Variants in GTF2F2 observed in about 807,000 individuals in gnomAD.
The protein encoded by GTF2F2 is ATP-dependent helicase GTF2F2.
A neutral mutation model predicts 42.2 loss-of-function variants in GTF2F2; 23 were observed. The observed-to-expected ratio is 0.55, with a 90% CI of 0.39 to 0.77. GTF2F2 has a LOEUF of 0.77. GTF2F2 is among the 30% of genes least tolerant of loss of function. GTF2F2 has a pLI of 0.00. For missense variants in GTF2F2, 261 were observed against 287.2 expected (o/e 0.91, Z 0.66); for synonymous variants, 105 against 100.8 (o/e 1.04, Z -0.25).
Position 45,195,244 on chromosome 13 carries a change from AT to A in GTF2F2, c.305-12172del, listed in dbSNP as rs1266864891. Among the ~76,000 whole-genome samples the A allele has an allele frequency of 3.9e-5, 6 of 151,906 alleles. No homozygotes were observed. In the East Asian group the frequency reaches 7.7e-4, roughly 19 times the overall value. On this transcript the variant is annotated intron_variant, in intron 4 of 7. Coordinates refer to ENST00000340473, the MANE Select transcript of GTF2F2 (RefSeq NM_004128.3). ...AGATCTATGTTAAAGGATGTTAAGA[AT>A]TTTTTTTATTTTTTATTTTTTATTA...
chr13:45,160,768 T>TG (rs530539650), intron 4 of GTF2F2, among the ~76,000 whole-genome samples: 1 of 88,168 alleles, frequency 1.1e-5, no homozygotes, highest in African/African-American at 5.0e-5. Context: ...TGTCAGCTGT[T>TG]TTTTTTTTTT....
intron 6 of GTF2F2, among the ~76,000 whole-genome samples, chr13:45,262,745 T>G (rs539603410): frequency 1.1e-3 from 164 of 152,164 alleles, no homozygotes; most frequent in African/African-American, 3.7e-3. Flanking sequence ...ATTTATTTAT[T>G]TATTTATTGT....
At chr13:45,161,951 G>C (rs979092977) in intron 4 of GTF2F2, among the ~76,000 whole-genome samples, 2 of 152,192 alleles carry the variant, frequency 1.3e-5, no homozygotes, top group African/African-American at 4.8e-5. Flanking sequence ...TTCCACTTCT[G>C]TTGGTGGATA....
chr13:45,238,932 G>A (rs534531628), intron 5 of GTF2F2, among the ~76,000 whole-genome samples: 3 of 108,330 alleles, frequency 2.8e-5, no homozygotes, highest in South Asian at 2.6e-4. Flanking sequence ...CAATAAGAGC[G>A]AAATTCCATC....
intron 5 of GTF2F2, among the ~76,000 whole-genome samples, chr13:45,242,203 C>G (rs112895522): frequency 1.3e-5 from 2 of 151,190 alleles, no homozygotes; most frequent in African/African-American, 2.4e-5. Flanking sequence ...CTTCACCTGG[C>G]CTTTCTCCTG....
intron 5 of GTF2F2, among the ~76,000 whole-genome samples, chr13:45,243,550 T>C (rs1046829796): frequency 2.6e-5 from 4 of 152,390 alleles, no homozygotes; most frequent in African/African-American, 7.2e-5. Flanking sequence ...GGGACCGATA[T>C]GTTAAATCAT....
chr13:45,246,804 A>C (rs995813053), intron 5 of GTF2F2, among the ~76,000 whole-genome samples: 1 of 152,040 alleles, frequency 6.6e-6, no homozygotes, highest in South Asian at 2.1e-4. Context: ...TTGGGAGGCC[A>C]ATGCGGGCGG....
chr13:45,201,105 C>T (rs551286676), intron 4 of GTF2F2, among the ~76,000 whole-genome samples: 2 of 152,194 alleles, frequency 1.3e-5, no homozygotes, highest in Non-Finnish European at 2.9e-5. Flanking sequence ...ACTTACATGC[C>T]AATGCTAATA....
intron 4 of GTF2F2, among the ~76,000 whole-genome samples, chr13:45,177,122 G>T (rs1296398797): frequency 6.6e-6 from 1 of 151,844 alleles, no homozygotes; most frequent in African/African-American, 2.4e-5. Flanking sequence ...GTGAGATAGG[G>T]GTCAAATTGT....
At chr13:45,262,431 C>A (rs1183608535) in intron 6 of GTF2F2, among the ~76,000 whole-genome samples, 1 of 152,102 alleles carries the variant, frequency 6.6e-6, no homozygotes, top group Non-Finnish European at 1.5e-5. Flanking sequence ...TTAGTTAAAT[C>A]TTTAATTTAT....
chr13:45,264,247 A>AT (rs35779192), intron 6 of GTF2F2, among the ~76,000 whole-genome samples: 6 of 148,562 alleles, frequency 4.0e-5, no homozygotes, highest in Admixed American at 2.0e-4. Flanking sequence ...GTAAACCAAG[A>AT]TTTTTTTTTT....
intron 4 of GTF2F2, among the ~76,000 whole-genome samples, chr13:45,188,018 G>A (rs959299700): frequency 2.0e-5 from 3 of 152,146 alleles, no homozygotes; most frequent in African/African-American, 7.2e-5. Flanking sequence ...CGATTCTCAT[G>A]CCGCAGCCTC....
At chr13:45,218,802 A>G (rs1362699721) in intron 5 of GTF2F2, among the ~76,000 whole-genome samples, 1 of 152,226 alleles carries the variant, frequency 6.6e-6, no homozygotes, top group Non-Finnish European at 1.5e-5. Flanking sequence ...GCTTACTATT[A>G]GGAAGAACTA....
At chr13:45,207,310 T>C in intron 4 of GTF2F2, 114 bp from the exon 5 acceptor site, 1 of 649,480 alleles carries the variant, frequency 1.5e-6, no homozygotes, top group South Asian at 2.0e-5. Flanking sequence ...CTATTTTTTC[T>C]TGATTTTTGA....
At chr13:45,163,982 C>A (rs112497757) in intron 4 of GTF2F2, among the ~76,000 whole-genome samples, 1 of 152,058 alleles carries the variant, frequency 6.6e-6, no homozygotes. Context: ...GACGAAACCC[C>A]GTCTCTACTG....
At chr13:45,201,468 C>CA (rs2138183222) in intron 4 of GTF2F2, among the ~76,000 whole-genome samples, 1 of 152,238 alleles carries the variant, frequency 6.6e-6, no homozygotes, top group East Asian at 1.9e-4. Flanking sequence ...GAAGAGATCT[C>CA]AGACATTCTA....
chr13:45,135,372 G>GC (rs1313686059), intron 1 of GTF2F2, among the ~76,000 whole-genome samples: 14 of 152,236 alleles, frequency 9.2e-5, no homozygotes, highest in Admixed American at 4.6e-4. Context: ...CAAGTCTCCT[G>GC]CCTCAGCCTC....
chr13:45,183,291 T>A (rs1277589367), intron 4 of GTF2F2, among the ~76,000 whole-genome samples: 1 of 152,150 alleles, frequency 6.6e-6, no homozygotes, highest in East Asian at 1.9e-4. Flanking sequence ...TTAAGCACAT[T>A]GTTTTCCCTT....
chr13:45,267,403 T>C (rs1353010101), intron 7 of GTF2F2, 27 bp downstream of exon 7: 1 of 1,477,028 alleles, frequency 6.8e-7, no homozygotes. Context: ...ACTGATCCTT[T>C]GAATATGCCC....
Sources: gnomAD v4.1 joint callset for allele counts (sites outside exome capture counted in the v4.1 genomes callset) on GRCh38, gnomAD v4.1.1 for gene constraint, MANE v1.5 for transcripts, NCBI Gene and HGNC (gene_info 2026-07-23, HGNC 2026-07-21) for gene names.